Variants in ERBB4 observed in about 807,000 individuals in gnomAD.
ERBB4 encodes the protein receptor tyrosine-protein kinase erbB-4.
Under a neutral mutation model 158.0 loss-of-function variants are expected in ERBB4, and 42 were observed. The observed-to-expected ratio is 0.27, with a 90% CI of 0.21 to 0.34. The LOEUF (loss-of-function observed/expected upper bound fraction) is 0.34. Among genes scored for constraint, ERBB4 ranks in the 10% least tolerant of loss-of-function variants. The probability of loss-of-function intolerance (pLI) is 1.00; values close to 1 mark genes in which losing one functional copy is unlikely to be tolerated. For synonymous variants in ERBB4, 583 were observed against 558.7 expected, an observed-to-expected ratio of 1.04 and a Z score of -0.61; for missense variants, 1,333 against 1,624.1, an observed-to-expected ratio of 0.82 and a Z score of 3.08.
At chr2:212,471,911 T>C (rs1021527348) in intron 1 of ERBB4, among the ~76,000 whole-genome samples, 1 of 151,896 alleles carries the variant, frequency 6.6e-6, no homozygotes, top group African/African-American at 2.4e-5. Flanking sequence ...TTAACACCTG[T>C]TGTTTGTCAC....
chr2:211,870,105 T>G (rs1242622419), intron 3 of ERBB4, among the ~76,000 whole-genome samples: 1 of 152,196 alleles, frequency 6.6e-6, no homozygotes, highest in Non-Finnish European at 1.5e-5. Context: ...CTTTTTATAG[T>G]TGCCCATACA....
At chr2:211,655,988 TATGA>T (rs531120049) in intron 16 of ERBB4, among the ~76,000 whole-genome samples, 13 of 152,330 alleles carry the variant, frequency 8.5e-5, no homozygotes, top group African/African-American at 2.4e-4. Context: ...GGCAATAACA[TATGA>T]ATGAAGAAAT....
chr2:211,485,649 C>A (rs2065184152), intron 20 of ERBB4, among the ~76,000 whole-genome samples: 1 of 148,272 alleles, frequency 6.7e-6, no homozygotes, highest in South Asian at 2.1e-4. Flanking sequence ...ACAGCAAATT[C>A]TTTAAAGGGA....
chr2:212,316,834 T>A (rs975049973), intron 1 of ERBB4, among the ~76,000 whole-genome samples: 1 of 151,522 alleles, frequency 6.6e-6, no homozygotes, highest in African/African-American at 2.4e-5. Context: ...ATGTATGATA[T>A]GAGAATTATG....
intron 3 of ERBB4, among the ~76,000 whole-genome samples, chr2:211,811,353 C>T (rs935070024): frequency 2.0e-5 from 3 of 152,206 alleles, no homozygotes; most frequent in Non-Finnish European, 2.9e-5. Flanking sequence ...CCACTCTCTT[C>T]TGGCTTGTAG....
At chr2:211,395,117 C>G (rs1274966000) in intron 25 of ERBB4, among the ~76,000 whole-genome samples, 1 of 151,912 alleles carries the variant, frequency 6.6e-6, no homozygotes, top group African/African-American at 2.4e-5. Context: ...ATAAAGTTTT[C>G]TCTCATAAAT....
chr2:211,428,242 T>TAAA (rs1553530917), intron 22 of ERBB4, among the ~76,000 whole-genome samples, 166 bp downstream of exon 22: 24,587 of 149,834 alleles, frequency 0.16, 2,430 homozygotes, highest in South Asian at 0.36. Flanking sequence ...TAAAATAAAA[T>TAAA]ATTTTTTTTT....
chr2:211,932,405 A>C (rs1575397398), intron 3 of ERBB4, among the ~76,000 whole-genome samples: 1 of 152,076 alleles, frequency 6.6e-6, no homozygotes. Context: ...AATGACAATA[A>C]TCAGAGTAAA....
intron 19 of ERBB4, among the ~76,000 whole-genome samples, chr2:211,585,829 A>T (rs954036331): frequency 6.6e-6 from 1 of 152,120 alleles, no homozygotes; most frequent in African/African-American, 2.4e-5. Flanking sequence ...TTATGGAAAA[A>T]TTACTCCAAA....
chr2:212,173,219 A>G (rs969992042), intron 1 of ERBB4, among the ~76,000 whole-genome samples: 12 of 152,162 alleles, frequency 7.9e-5, no homozygotes, highest in African/African-American at 2.9e-4. Flanking sequence ...TGTATTCAAG[A>G]AAGAAAATAA....
chr2:211,453,009 G>A lies in ERBB4; in HGVS notation c.2488-21909C>T, dbSNP rs548276691. 5.3e-5 allele frequency among the ~76,000 whole-genome samples: 8 copies of A among 152,174 alleles called. No individual in the cohort carries two copies. In the East Asian group the frequency reaches 1.5e-3, roughly 29 times the overall value. ...TATAGGACTTTTTCCTTCCTTTTTA[G>A]TATATTGAACTCACACAAGTCACCT... is the stretch of plus-strand genomic sequence containing the variant. On this transcript the variant is annotated intron_variant, in intron 20 of 27. Transcript: ENST00000342788.
chr2:211,711,009 T>A (rs2073676600), intron 9 of ERBB4, among the ~76,000 whole-genome samples: 1 of 150,792 alleles, frequency 6.6e-6, no homozygotes. Context: ...ACCAAGTCTA[T>A]ACATTTTAAA....
chr2:212,277,522 T>C (rs1014612012), intron 1 of ERBB4, among the ~76,000 whole-genome samples: 2 of 151,630 alleles, frequency 1.3e-5, no homozygotes, highest in Non-Finnish European at 3.0e-5. Context: ...TCTGAAACAG[T>C]TTAATCCCAA....
At chr2:211,423,163 A>G (rs2063547965) in intron 23 of ERBB4, among the ~76,000 whole-genome samples, 1 of 152,010 alleles carries the variant, frequency 6.6e-6, no homozygotes, top group Non-Finnish European at 1.5e-5. Context: ...AAGCCAAAAA[A>G]GGTTAACCAC....
chr2:211,912,166 C>A (rs1002793513), intron 3 of ERBB4, among the ~76,000 whole-genome samples: 1 of 151,958 alleles, frequency 6.6e-6, no homozygotes, highest in African/African-American at 2.4e-5. Flanking sequence ...ACATTTTACA[C>A]AAGATATAGT....
At chr2:211,468,621 G>C (rs1574549032) in intron 20 of ERBB4, among the ~76,000 whole-genome samples, 1 of 152,032 alleles carries the variant, frequency 6.6e-6, no homozygotes, top group Non-Finnish European at 1.5e-5. Context: ...ACTCAGAAGA[G>C]GTCTTTAGTC....
chr2:211,720,427 A>G (rs2074056550), intron 7 of ERBB4, among the ~76,000 whole-genome samples: 1 of 152,210 alleles, frequency 6.6e-6, no homozygotes, highest in African/African-American at 2.4e-5. Flanking sequence ...GACCTTGGCA[A>G]ACTCAATGAT....
Position 211,381,166 on chromosome 2 carries a change from C to T in ERBB4, c.*2449G>A. 4.3e-6 allele frequency: 1 copy of T among 232,414 alleles called. No individual in the cohort carries two copies. 14.4% of individuals were successfully genotyped at this position (232,414 alleles called of 1,614,324 possible). On this transcript the variant is annotated 3_prime_UTR_variant, in exon 28 of 28. Transcript: ENST00000342788. ...CCCTGAAAAGTTTGAGGGTGAACTT[C>T]ACTAGAAGGAATCTCACAAACCCTT... is the stretch of plus-strand genomic sequence containing the variant.
chr2:211,663,896 G>GT (rs906347794), intron 15 of ERBB4, among the ~76,000 whole-genome samples: 36 of 150,362 alleles, frequency 2.4e-4, no homozygotes, highest in Middle Eastern at 3.4e-3. Context: ...AGAACCAGTT[G>GT]TTTTTTTTTG....
Sources: allele counts gnomAD v4.1 joint callset (sites outside exome capture counted in the v4.1 genomes callset), GRCh38; gene constraint gnomAD v4.1.1; transcripts MANE v1.5; gene names NCBI Gene and HGNC (gene_info 2026-07-23, HGNC 2026-07-21).